INPP5A: variants seen among roughly 807,000 people sequenced by gnomAD.
INPP5A encodes the protein 43 kDa inositol polyphosphate 5-phophatase.
A neutral mutation model predicts 65.2 loss-of-function variants in INPP5A; 14 were observed. The observed-to-expected ratio is 0.21, with a 90% CI of 0.14 to 0.34. INPP5A has a LOEUF of 0.34. INPP5A is among the 10% of genes least tolerant of loss of function. The probability of loss-of-function intolerance (pLI) is 1.00; values close to 1 mark genes in which losing one functional copy is unlikely to be tolerated. For missense variants in INPP5A, 431 were observed against 545.6 expected, an observed-to-expected ratio of 0.79 and a Z score of 2.09; for synonymous variants, 207 against 208.3, an observed-to-expected ratio of 0.99 and a Z score of 0.05.
chr10:132,553,866 G>A (rs1399988259), intron 1 of INPP5A, among the ~76,000 whole-genome samples: 3 of 139,274 alleles, frequency 2.2e-5, no homozygotes, highest in Non-Finnish European at 3.1e-5. Context: ...TCAGAGCCTT[G>A]GTGGCATATT....
chr10:132,779,291 G>T (rs1847118234), intron 13 of INPP5A, among the ~76,000 whole-genome samples: 1 of 152,274 alleles, frequency 6.6e-6, no homozygotes, highest in Admixed American at 6.5e-5. Flanking sequence ...GGTGCCACAT[G>T]GTGGGTGCTC....
Position 132,575,947 on chromosome 10 carries a change from C to T in INPP5A, c.76-31968C>T, listed in dbSNP as rs1451000580. 3.3e-5 allele frequency among the ~76,000 whole-genome samples: 5 copies of T among 152,214 alleles called. No individual in the cohort carries two copies. Among genetic ancestry groups the T allele is most frequent in the Non-Finnish European group, 5.9e-5 (4 of 68,034 alleles). ...CTGTGGAGCTGGTGGCTCCCCTCTC[C>T]TCCTGAACCACGAGTACTTTCTGGG... On this transcript the variant is annotated intron_variant, in intron 1 of 15. Transcript: ENST00000368594. The surrounding 1 kb of genome is among the most constrained non-coding windows in gnomAD (Gnocchi z 5.4).
At chr10:132,738,163 A>T (rs1226209491) in intron 9 of INPP5A, among the ~76,000 whole-genome samples, 1 of 152,184 alleles carries the variant, frequency 6.6e-6, no homozygotes, top group African/African-American at 2.4e-5. Flanking sequence ...ATGAGCTCAT[A>T]CTTTATTTAA....
chr10:132,619,762 G>C (rs990761506), intron 2 of INPP5A, among the ~76,000 whole-genome samples: 2 of 152,204 alleles, frequency 1.3e-5, no homozygotes, highest in Non-Finnish European at 1.5e-5. Flanking sequence ...AGGTTCAAAT[G>C]ATTCTCCTGC....
At chr10:132,590,134 A>G (rs2071600546) in intron 1 of INPP5A, among the ~76,000 whole-genome samples, 1 of 152,200 alleles carries the variant, frequency 6.6e-6, no homozygotes, top group Non-Finnish European at 1.5e-5. Flanking sequence ...GCTTGAAATA[A>G]TTGGTCAAGG....
At chr10:132,578,747 C>G (rs967427737) in intron 1 of INPP5A, among the ~76,000 whole-genome samples, 2 of 146,972 alleles carry the variant, frequency 1.4e-5, no homozygotes, top group East Asian at 4.2e-4. Flanking sequence ...CTCCAGGACA[C>G]CAGGAGAGTG....
chr10:132,576,026 C>T (rs1025741543), intron 1 of INPP5A, among the ~76,000 whole-genome samples: 15 of 152,192 alleles, frequency 9.9e-5, no homozygotes, highest in Non-Finnish European at 2.1e-4. Context: ...CAGATGCCAC[C>T]TGACCTGCAG....
intron 1 of INPP5A, among the ~76,000 whole-genome samples, chr10:132,579,183 C>G (rs1248743414): frequency 6.6e-6 from 1 of 151,266 alleles, no homozygotes; most frequent in Non-Finnish European, 1.5e-5. Context: ...CCAAGCTGGG[C>G]TAGCTGGAGG....
chr10:132,559,180 G>A (rs1271580365), intron 1 of INPP5A, among the ~76,000 whole-genome samples: 2 of 152,182 alleles, frequency 1.3e-5, no homozygotes, highest in South Asian at 2.1e-4. Context: ...GCTGCCCGCC[G>A]CTCGGGGCCG....
At chr10:132,750,761 T>C (rs1846461183) in intron 11 of INPP5A, among the ~76,000 whole-genome samples, 1 of 151,994 alleles carries the variant, frequency 6.6e-6, no homozygotes, top group South Asian at 2.1e-4. Context: ...AACCTCGGCA[T>C]CAGTTCCTAG....
intron 1 of INPP5A, among the ~76,000 whole-genome samples, chr10:132,597,356 A>C (rs1032251483): frequency 2.6e-5 from 4 of 151,832 alleles, no homozygotes; most frequent in Admixed American, 6.6e-5. Context: ...ATCCACAAGG[A>C]CTCGGGCCAT....
chr10:132,667,498 C>T (rs530015327), intron 4 of INPP5A, among the ~76,000 whole-genome samples: 6 of 152,238 alleles, frequency 3.9e-5, no homozygotes, highest in East Asian at 1.9e-4. Flanking sequence ...GCTGGCAGGG[C>T]GAGGCAGAAG....
At chr10:132,656,576 G>A (rs957291429) in intron 4 of INPP5A, among the ~76,000 whole-genome samples, 1 of 152,176 alleles carries the variant, frequency 6.6e-6, no homozygotes, top group Non-Finnish European at 1.5e-5. Flanking sequence ...AGCGGCTGGG[G>A]ACAGGAGGTG....
chr10:132,768,064 G>A (rs1490063900), intron 12 of INPP5A, among the ~76,000 whole-genome samples: 16 of 133,600 alleles, frequency 1.2e-4, no homozygotes, highest in Non-Finnish European at 1.3e-4. Flanking sequence ...GGGTGCCCAC[G>A]CACCCAATGG....
chr10:132,693,519 A>G (rs1398969077), intron 5 of INPP5A, among the ~76,000 whole-genome samples: 3 of 152,220 alleles, frequency 2.0e-5, no homozygotes, highest in Non-Finnish European at 2.9e-5. Context: ...AAATGGGCCA[A>G]AAGAAAGCTG....
intron 9 of INPP5A, among the ~76,000 whole-genome samples, chr10:132,730,603 A>G (rs1428513266): frequency 6.6e-6 from 1 of 152,230 alleles, no homozygotes; most frequent in Non-Finnish European, 1.5e-5. Context: ...GAAGCGTCAG[A>G]GGTGACTATA....
intron 11 of INPP5A, among the ~76,000 whole-genome samples, chr10:132,757,722 A>G (rs1384554184): frequency 3.9e-5 from 6 of 152,062 alleles, no homozygotes; most frequent in African/African-American, 1.2e-4. Flanking sequence ...GCCCGGCACC[A>G]TGGCGTGGGT....
intron 1 of INPP5A, among the ~76,000 whole-genome samples, chr10:132,569,286 TC>T (rs1338230650): frequency 2.6e-5 from 4 of 152,240 alleles, no homozygotes; most frequent in African/African-American, 9.6e-5. Context: ...TCACATGGTT[TC>T]TTCTGTTAAT....
chr10:132,731,070 C>T (rs181965395), intron 9 of INPP5A, among the ~76,000 whole-genome samples: 7 of 152,310 alleles, frequency 4.6e-5, no homozygotes, highest in Admixed American at 2.6e-4. Flanking sequence ...GAACCACAGC[C>T]CTGAGGTGGG....
Sources: gnomAD v4.1 joint callset for allele counts (sites outside exome capture counted in the v4.1 genomes callset) on GRCh38, gnomAD v4.1.1 for gene constraint, Gnocchi (gnomAD v3.1) non-coding constraint, MANE v1.5 for transcripts, NCBI Gene and HGNC (gene_info 2026-07-23, HGNC 2026-07-21) for gene names.